ADCK1: variants seen among roughly 807,000 people sequenced by gnomAD.
ADCK1 encodes the protein aarF domain-containing protein kinase 1.
A neutral mutation model predicts 52.3 loss-of-function variants in ADCK1; 41 were observed. That is an observed-to-expected ratio of 0.78 (90% confidence interval 0.61 to 1.02). The LOEUF is 1.02. ADCK1 is among the 50% of genes least tolerant of loss of function. The pLI is 0.00. For synonymous variants in ADCK1, 250 were observed against 274.6 expected (o/e 0.91, Z 0.89); for missense variants, 658 against 679.5 (o/e 0.97, Z 0.35).
intron 9 of ADCK1, among the ~76,000 whole-genome samples, chr14:77,931,232 A>G (rs1164437626): frequency 6.6e-6 from 1 of 152,148 alleles, no homozygotes; most frequent in Non-Finnish European, 1.5e-5. Flanking sequence ...GCCAGTGAAA[A>G]AGCCATGGAG....
chr14:77,889,899 A>AC (rs1194096630), intron 5 of ADCK1, among the ~76,000 whole-genome samples: 2 of 151,644 alleles, frequency 1.3e-5, no homozygotes, highest in East Asian at 1.9e-4. Flanking sequence ...AAAAAAAAAA[A>AC]AAAAACAGAA....
At chr14:77,895,208 C>T (rs571085252) in intron 5 of ADCK1, among the ~76,000 whole-genome samples, 1 of 152,156 alleles carries the variant, frequency 6.6e-6, no homozygotes, top group Admixed American at 6.5e-5. Flanking sequence ...TTAAATATAC[C>T]TTGATTGATT....
At chr14:77,840,298 CTGCGAT>C (rs2082040094) in intron 3 of ADCK1, among the ~76,000 whole-genome samples, 1 of 151,900 alleles carries the variant, frequency 6.6e-6, no homozygotes, top group Non-Finnish European at 1.5e-5. Flanking sequence ...GTCAGCAGAG[CTGCGAT>C]TCTTCTGGAG....
At position 77,874,314 on chromosome 14, in the gene ADCK1, G is replaced by A. The variant is rs75808792; in HGVS notation, c.424-12777G>A. Among the ~76,000 whole-genome samples, 525 of 152,318 alleles carry A rather than the reference G, an allele frequency of 3.4e-3. 1 individual carries two copies. Among genetic ancestry groups the A allele is most frequent in the Non-Finnish European group, 5.2e-3 (351 of 68,022 alleles). ...ACAAGAAGAGAGAAAGTTATCTGAG[G>A]TTTAGGTTACAGCATTTGGGTGTTC... On this transcript the variant is annotated intron_variant, in intron 4 of 10. Transcript: ENST00000238561.
At chr14:77,878,930 C>G (rs531319522) in intron 4 of ADCK1, among the ~76,000 whole-genome samples, 20 of 150,746 alleles carry the variant, frequency 1.3e-4, no homozygotes, top group Admixed American at 6.7e-4. Context: ...CCCTTCCCCC[C>G]CCACGAATGA....
intron 3 of ADCK1, among the ~76,000 whole-genome samples, chr14:77,833,841 C>T (rs935622566): frequency 4.6e-5 from 7 of 152,134 alleles, no homozygotes; most frequent in Non-Finnish European, 8.8e-5. Context: ...CAGCTACCCT[C>T]TCAATTGGTC....
intron 1 of ADCK1, among the ~76,000 whole-genome samples, chr14:77,810,042 A>T: frequency 1.7e-5 from 1 of 58,080 alleles, no homozygotes; most frequent in Admixed American, 2.5e-4. Flanking sequence ...TGTCTCAAAA[A>T]AAAAAAAAAA....
intron 7 of ADCK1, among the ~76,000 whole-genome samples, chr14:77,910,522 G>A (rs112422977): frequency 1.3e-5 from 2 of 152,116 alleles, no homozygotes; most frequent in African/African-American, 4.8e-5. Flanking sequence ...AGGGTCTGTC[G>A]CCTGCTGATC....
chr14:77,832,747 G>C (rs865869248), intron 3 of ADCK1, among the ~76,000 whole-genome samples: 2 of 152,178 alleles, frequency 1.3e-5, no homozygotes, highest in African/African-American at 4.8e-5. Context: ...CAACTCTGAA[G>C]CTATTGAACA....
At chr14:77,811,666 A>G (rs1243242031) in intron 1 of ADCK1, among the ~76,000 whole-genome samples, 1 of 152,188 alleles carries the variant, frequency 6.6e-6, no homozygotes, top group Non-Finnish European at 1.5e-5. Flanking sequence ...AATATTAGCC[A>G]GACATGGTGG....
chr14:77,875,639 G>T (rs963410296), intron 4 of ADCK1, among the ~76,000 whole-genome samples: 1 of 152,192 alleles, frequency 6.6e-6, no homozygotes, highest in African/African-American at 2.4e-5. Flanking sequence ...TCATAGTGAT[G>T]AGAGTCTGGC....
intron 3 of ADCK1, among the ~76,000 whole-genome samples, chr14:77,833,742 G>T (rs1482349509): frequency 1.3e-5 from 2 of 152,132 alleles, no homozygotes; most frequent in Non-Finnish European, 2.9e-5. Flanking sequence ...GGGGGTTAAT[G>T]TGGGCCTGGG....
chr14:77,842,063 C>G (rs1302383850), intron 3 of ADCK1, among the ~76,000 whole-genome samples: 1 of 152,032 alleles, frequency 6.6e-6, no homozygotes, highest in Admixed American at 6.6e-5. Context: ...TGTACCCCAG[C>G]CTGGGCGACT....
chr14:77,896,249 A>G (rs1205520865), intron 5 of ADCK1, among the ~76,000 whole-genome samples: 1 of 152,222 alleles, frequency 6.6e-6, no homozygotes, highest in Non-Finnish European at 1.5e-5. Context: ...CACAAAAAAC[A>G]GTGACCATAC....
intron 1 of ADCK1, among the ~76,000 whole-genome samples, chr14:77,813,342 T>C (rs2081374135): frequency 7.5e-6 from 1 of 133,256 alleles, no homozygotes; most frequent in Non-Finnish European, 1.6e-5. Context: ...TGGAGTTGTG[T>C]TCTTGTTGCC....
chr14:77,860,392 A>C (rs1175870681), intron 4 of ADCK1, among the ~76,000 whole-genome samples: 1 of 152,220 alleles, frequency 6.6e-6, no homozygotes, highest in Admixed American at 6.5e-5. Context: ...AGTAGGGCAG[A>C]GGTTTGATAA....
chr14:77,928,308 C>G (rs2084244459), intron 9 of ADCK1, among the ~76,000 whole-genome samples: 1 of 152,104 alleles, frequency 6.6e-6, no homozygotes, highest in African/African-American at 2.4e-5. Context: ...GCAGCTAAGA[C>G]TGGAGTTCAC....
intron 7 of ADCK1, among the ~76,000 whole-genome samples, chr14:77,920,741 TG>T (rs891478242): frequency 3.3e-5 from 5 of 152,168 alleles, no homozygotes; most frequent in African/African-American, 1.2e-4. Context: ...CTGAAACTCC[TG>T]GGCTCAAGTG....
rs1305153289 is a variant in ADCK1, at chr14:77,819,818, G to A, written c.135+705G>A. 2.0e-5 allele frequency among the ~76,000 whole-genome samples: 3 copies of A among 152,284 alleles called. No homozygotes were observed. The East Asian group carries it at 5.8e-4, about 29-fold the overall frequency. ...TCCTCCTTTATCTGCTGCAGGATGAGCTCAAGCTTTCTTCCCCTTCACGTA... is the reference window on the plus strand; with the variant it reads ...TCCTCCTTTATCTGCTGCAGGATGAACTCAAGCTTTCTTCCCCTTCACGTA... On this transcript the variant is annotated intron_variant, in intron 2 of 10. Coordinates refer to ENST00000238561, the MANE Select transcript of ADCK1 (RefSeq NM_020421.4).
Sources: allele counts gnomAD v4.1 joint callset (sites outside exome capture counted in the v4.1 genomes callset), GRCh38; gene constraint gnomAD v4.1.1; transcripts MANE v1.5; gene names NCBI Gene and HGNC (gene_info 2026-07-23, HGNC 2026-07-21).